Variants in PLEKHA6 observed in about 807,000 individuals in gnomAD.
The protein encoded by PLEKHA6 is pleckstrin homology domain containing A6, also known as pleckstrin homology domain-containing family A member 6.
Under a neutral mutation model 116.7 loss-of-function variants are expected in PLEKHA6, and 60 were observed. The ratio of observed to expected loss-of-function variants is 0.51; its 90% CI spans 0.42 to 0.64. The LOEUF (loss-of-function observed/expected upper bound fraction) is 0.64, where lower values mean the gene tolerates loss of function less well. PLEKHA6 is among the 30% of genes least tolerant of loss of function. The pLI is 0.00. For synonymous variants in PLEKHA6, 489 were observed against 556.1 expected, an observed-to-expected ratio of 0.88 and a Z score of 1.70; for missense variants, 1,338 against 1,422.7, an observed-to-expected ratio of 0.94 and a Z score of 0.96.
intron 1 of PLEKHA6, among the ~76,000 whole-genome samples, chr1:204,308,681 CT>C (rs71568024): frequency 5.0e-4 from 24 of 48,458 alleles, no homozygotes; most frequent in South Asian, 1.4e-3. Flanking sequence ...AATTCTTTTT[CT>C]TTTTCTTTTT....
chr1:204,230,677 A>C, intron 17 of PLEKHA6, 91 bp from the exon 18 acceptor site: 4 of 1,148,954 alleles, frequency 3.5e-6, no homozygotes, highest in Non-Finnish European at 4.9e-6. Flanking sequence ...CTTCTACGGG[A>C]AGTCTGCCTG....
chr1:204,371,751 T>C (rs545490435), intron 1 of PLEKHA6: 2 of 152,356 alleles, frequency 1.3e-5, no homozygotes, highest in South Asian at 4.1e-4. Flanking sequence ...TTCATTCACA[T>C]TCACAGAGAA....
Position 204,247,064 on chromosome 1 carries a change from G to A in PLEKHA6, c.1920+301C>T, listed in dbSNP as rs529088344. Among the ~76,000 whole-genome samples, 80 of 152,224 alleles carry A rather than the reference G, an allele frequency of 5.3e-4. 1 individual carries two copies. The highest frequency in any genetic ancestry group is 1.0e-3 in the Non-Finnish European group (68 of 68,002). ...GGTGGGAGGATTGCTTGAGCCCGGGGCAGTCAAGGCTGCAGTGAGCTGTGA... is the reference window on the plus strand; with the variant it reads ...GGTGGGAGGATTGCTTGAGCCCGGGACAGTCAAGGCTGCAGTGAGCTGTGA... On this transcript the variant is annotated intron_variant, in intron 13 of 22. Coordinates refer to ENST00000272203, the MANE Select transcript of PLEKHA6 (RefSeq NM_014935.5).
chr1:204,246,750 GA>G (rs1469749037), intron 13 of PLEKHA6, among the ~76,000 whole-genome samples: 4 of 152,220 alleles, frequency 2.6e-5, no homozygotes. Context: ...ACCCCAGGAA[GA>G]AAAGCCTCTC....
rs2102363799 is a variant in PLEKHA6, at chr1:204,223,782, C to G, written c.3032-197G>C. 6.6e-6 allele frequency among the ~76,000 whole-genome samples: 1 copy of G among 151,430 alleles called. No homozygotes were observed. Among genetic ancestry groups the G allele is most frequent in the Admixed American group, 6.6e-5 (1 of 15,200 alleles). ...GCGTCGTGGAGGAGAGTGTGAGGCC[C>G]CAGAGGAGACCTGGCCGAATCTAGG... On this transcript the variant is annotated intron_variant, in intron 21 of 22. Coordinates refer to ENST00000272203, the MANE Select transcript of PLEKHA6 (RefSeq NM_014935.5). This position sits in a 1 kb window ranked among gnomAD's most constrained non-coding sequence, Gnocchi z 4.8.
chr1:204,351,366 C>T (rs1204939474), intron 1 of PLEKHA6, among the ~76,000 whole-genome samples: 2 of 152,206 alleles, frequency 1.3e-5, no homozygotes, highest in Non-Finnish European at 2.9e-5. Flanking sequence ...ACCCCTCCCA[C>T]CTTCTCTACA....
In PLEKHA6 at chr1:204,229,794, A is replaced by G. The variant is rs564117949; in HGVS notation, c.2583+619T>C. Among the ~76,000 whole-genome samples, 4 of 152,218 alleles carry G rather than the reference A, an allele frequency of 2.6e-5. 1 individual carries two copies. In the South Asian group the frequency reaches 6.2e-4, roughly 24 times the overall value. On this transcript the variant is annotated intron_variant, in intron 18 of 22. Transcript: ENST00000272203. Reference sequence around the variant, plus strand: ...TAAGCTGTTGAGGACAGGACTTATGAGTCATAATTTTTCCATATTTCTAAA... The same window carrying G: ...TAAGCTGTTGAGGACAGGACTTATGGGTCATAATTTTTCCATATTTCTAAA...
rs1430182548 is a variant in PLEKHA6 at position 204,268,266 on chromosome 1, T to A, written c.149A>T (p.His50Leu). Residue 50 changes from histidine to leucine, a missense_variant, in exon 4 of 23, where the codon CAC becomes CTC. His to Leu is a moderately conservative substitution (Grantham distance 99). Coordinates refer to ENST00000272203, the MANE Select transcript of PLEKHA6 (RefSeq NM_014935.5). ...TGCATTGGGGTTCCGCTTCATGGAG[T>A]GTGAGCGCTTGCCAAAGGCGACGGC... ...RKAVAFGKRS[H>L]SMKRNPNAPV... is the part of the protein sequence containing the mutation. 1 of 1,611,392 alleles carries A rather than the reference T, an allele frequency of 6.2e-7. No individual in the cohort carries two copies. Among genetic ancestry groups the A allele is most frequent in the South Asian group, 1.1e-5 (1 of 90,760 alleles).
chr1:204,274,812 G>A lies in PLEKHA6; in HGVS notation c.-94-3C>T. On this transcript the variant is annotated splice_region_variant and splice_polypyrimidine_tract_variant and intron_variant, in intron 1 of 22. Transcript: ENST00000272203. ...ATGTGTTCCGTCTTTCATTGTGGCT[G>A]TAGAGGGAAAAACAGAAGAGTTGTG... The A allele has an allele frequency of 1.0e-6, 1 of 985,804 alleles. No individual in the cohort carries two copies. The highest frequency in any genetic ancestry group is 1.2e-6 in the Non-Finnish European group (1 of 829,874). 61.1% of individuals were successfully genotyped at this position (985,804 alleles called of 1,614,324 possible). A position where few individuals can be genotyped will look rare whatever the true frequency, so the allele number is the denominator to read the frequency against.
In PLEKHA6 at chr1:204,295,187, G is replaced by A. The variant is rs550473998; in HGVS notation, c.-94-20378C>T. Among the ~76,000 whole-genome samples the A allele has an allele frequency of 1.8e-3, 273 of 152,272 alleles. 10 individuals are homozygous for A. The South Asian group carries it at 0.051, about 29-fold the overall frequency. On this transcript the variant is annotated intron_variant, in intron 1 of 22. Transcript: ENST00000272203. ...TCAACATTACTGGACAGAAATAATT[G>A]ACTAAGAAGACCCAGTTCTAGGCCA...
In PLEKHA6 at chr1:204,241,690, T is replaced by A; in HGVS notation, c.2297A>T (p.Asn766Ile). Residue 766 changes from asparagine to isoleucine, a missense_variant, in exon 16 of 23, where the codon AAC (asparagine) becomes ATC (isoleucine). Asn to Ile is a moderately radical substitution (Grantham distance 149). Around this residue, in one of 3 missense-constraint regions of PLEKHA6, gnomAD observed 1,136 missense variants for 1,163.6 expected, o/e 0.98. Transcript: ENST00000272203. ...GAAGATGGGACAGAAAGTACCTTTGTTGAGAGCTGCCTGCTTCTCTGCCTC... is the reference window on the plus strand; with the variant it reads ...GAAGATGGGACAGAAAGTACCTTTGATGAGAGCTGCCTGCTTCTCTGCCTC... ...EVEAEKQAAL[N>I]KVGVVPPRTK... 1 of 1,594,434 alleles carries A rather than the reference T, an allele frequency of 6.3e-7. No individual in the cohort carries two copies. The highest frequency in any genetic ancestry group is 8.5e-7 in the Non-Finnish European group (1 of 1,172,012).
Position 204,228,787 on chromosome 1 carries a change from C to T in PLEKHA6, c.2826G>A (p.Glu942=), listed in dbSNP as rs1660739072. The T allele has an allele frequency of 6.2e-7, 1 of 1,613,894 alleles. No homozygotes were observed. Among genetic ancestry groups the T allele is most frequent in the Non-Finnish European group, 8.5e-7 (1 of 1,179,918 alleles). ...DLEPDTPLSP[E]ELKEKQKKVE... ...CCTTCTTCTGCTTCTCCTTCAACTCCTCAGGGCTCAGGGGAGTGTCAGGCT... is the reference window on the plus strand; with the variant it reads ...CCTTCTTCTGCTTCTCCTTCAACTCTTCAGGGCTCAGGGGAGTGTCAGGCT... The change falls in exon 20 of 23, where the codon GAG becomes GAA. Residue 942 remains glutamate (E), a synonymous_variant. Transcript: ENST00000272203. The surrounding 1 kb of genome is among the most constrained non-coding windows in gnomAD (Gnocchi z 4.0).
chr1:204,366,644 C>T (rs1673666626), intron 3 of PLEKHA6, among the ~76,000 whole-genome samples: 1 of 152,080 alleles, frequency 6.6e-6, no homozygotes, highest in African/African-American at 2.4e-5. Flanking sequence ...ACCTGTAGTC[C>T]CAGCTACTCA....
At chr1:204,245,094 GC>G in intron 14 of PLEKHA6, 91 bp from the exon 15 acceptor site, 3 of 898,194 alleles carry the variant, frequency 3.3e-6, no homozygotes, top group Non-Finnish European at 3.1e-6. Context: ...GCAGGGAGAA[GC>G]CAGATCCAGG....
intron 1 of PLEKHA6, among the ~76,000 whole-genome samples, chr1:204,357,379 A>C (rs1673443940): frequency 6.6e-6 from 1 of 152,230 alleles, no homozygotes; most frequent in Non-Finnish European, 1.5e-5. Context: ...CTGAACAGAC[A>C]GATGGTCAAG....
intron 1 of PLEKHA6, chr1:204,346,896 C>G (rs578024244): frequency 1.8e-4 from 238 of 1,309,228 alleles, no homozygotes; most frequent in Non-Finnish European, 2.5e-4. Context: ...AGGTAACTTT[C>G]TCTTTGGCTT....
At chr1:204,253,825 T>G (rs1469030793) in intron 9 of PLEKHA6, among the ~76,000 whole-genome samples, 2 of 125,016 alleles carry the variant, frequency 1.6e-5, no homozygotes, top group African/African-American at 6.3e-5. Flanking sequence ...CAGAGTGAGA[T>G]CTTGTCTCAA....
At chr1:204,314,833 T>C (rs1671793126) in intron 1 of PLEKHA6, among the ~76,000 whole-genome samples, 1 of 141,762 alleles carries the variant, frequency 7.1e-6, no homozygotes, top group Admixed American at 7.0e-5. Flanking sequence ...TGTATGCTGG[T>C]ATTTGGGGAG....
chr1:204,237,335 C>T (rs2102512281), intron 17 of PLEKHA6, among the ~76,000 whole-genome samples: 1 of 152,292 alleles, frequency 6.6e-6, no homozygotes, highest in East Asian at 1.9e-4. Flanking sequence ...CAAATAGAAG[C>T]CATTAGAGCT....
Sources: allele counts gnomAD v4.1 joint callset (sites outside exome capture counted in the v4.1 genomes callset), GRCh38; gene constraint gnomAD v4.1.1; regional missense constraint gnomAD v4.1.1; non-coding constraint Gnocchi (gnomAD v3.1); transcripts MANE v1.5; gene names NCBI Gene and HGNC (gene_info 2026-07-23, HGNC 2026-07-21).